NDUFAF6: variants seen among roughly 807,000 people sequenced by gnomAD.
NDUFAF6 encodes NADH:ubiquinone oxidoreductase complex assembly factor 6.
Under a neutral mutation model 40.8 loss-of-function variants are expected in NDUFAF6, and 45 were observed. The observed-to-expected ratio is 1.10, with a 90% CI of 0.87 to 1.42. NDUFAF6 has a LOEUF of 1.42. NDUFAF6 is among the 40% of genes most tolerant of loss of function. The pLI, the probability that NDUFAF6 is intolerant of heterozygous loss-of-function variation, is 0.00. For synonymous variants in NDUFAF6, 185 were observed against 155.9 expected (o/e 1.19, Z -1.39); for missense variants, 435 against 418.5 (o/e 1.04, Z -0.34).
chr8:95,031,622 T>C (rs941912868), intron 1 of NDUFAF6, among the ~76,000 whole-genome samples: 4 of 152,148 alleles, frequency 2.6e-5, no homozygotes, highest in Non-Finnish European at 5.9e-5. Flanking sequence ...TTTTTTGAGA[T>C]AGAGTCTTGC....
chr8:94,974,780 C>T (rs10099941), intron 1 of NDUFAF6: 78,769 of 174,734 alleles, frequency 0.45, 18,752 homozygotes, highest in East Asian at 0.7. Context: ...GTATCAGTAG[C>T]CAAGCCTTTC....
intron 1 of NDUFAF6, among the ~76,000 whole-genome samples, chr8:94,969,419 T>C (rs1824277604): frequency 6.6e-6 from 1 of 152,126 alleles, no homozygotes; most frequent in Non-Finnish European, 1.5e-5. Context: ...AGAAGGTCAT[T>C]GATTACTTTA....
At chr8:94,994,367 A>G (rs1211174204) in intron 2 of NDUFAF6, among the ~76,000 whole-genome samples, 2 of 152,050 alleles carry the variant, frequency 1.3e-5, no homozygotes, top group African/African-American at 2.4e-5. Flanking sequence ...CCTGGCCAAC[A>G]TGGTGAAACC....
At chr8:95,096,959 T>G (rs1025881509), upstream of NDUFAF6, among the ~76,000 whole-genome samples, 6 of 152,348 alleles carry the variant, frequency 3.9e-5, no homozygotes, top group South Asian at 2.1e-4. Flanking sequence ...AGAGGAGACC[T>G]CCAGGGGCTA....
intron 1 of NDUFAF6, among the ~76,000 whole-genome samples, chr8:94,932,908 G>A (rs968839593): frequency 2.0e-5 from 3 of 152,128 alleles, no homozygotes; most frequent in African/African-American, 4.8e-5. Flanking sequence ...TGTACAAAAA[G>A]GATTCACATA....
chr8:94,983,473 C>T (rs13276936), intron 2 of NDUFAF6, among the ~76,000 whole-genome samples: 71,521 of 151,492 alleles, frequency 0.47, 17,119 homozygotes, highest in East Asian at 0.68. Context: ...AGCATGTTGG[C>T]CAGGCTGGTC....
intron 1 of NDUFAF6, chr8:94,939,723 G>A (rs1018002169): frequency 3.2e-6 from 4 of 1,235,436 alleles, no homozygotes; most frequent in Non-Finnish European, 4.6e-6. Flanking sequence ...GGACCATCTT[G>A]TGTACTATGC....
intron 1 of NDUFAF6, chr8:94,958,256 C>T (rs77402106): frequency 0.13 from 19,702 of 152,238 alleles, 1,623 homozygotes; most frequent in Middle Eastern, 0.22. Context: ...GATTGGGCAT[C>T]TTACAGAACA....
chr8:94,913,633 C>T (rs1011486072), intron 1 of NDUFAF6, among the ~76,000 whole-genome samples: 11 of 152,054 alleles, frequency 7.2e-5, no homozygotes, highest in East Asian at 1.9e-4. Context: ...CTCATCCCTA[C>T]GAAACAGTTT....
At chr8:94,957,716 G>T (rs1186904284), upstream of NDUFAF6, among the ~76,000 whole-genome samples, 3 of 152,182 alleles carry the variant, frequency 2.0e-5, no homozygotes, top group African/African-American at 7.2e-5. Context: ...ACGAGCTGAG[G>T]AACGTGGAAG....
intron 2 of NDUFAF6, among the ~76,000 whole-genome samples, chr8:95,093,494 C>A (rs1262054891): frequency 6.6e-6 from 1 of 152,212 alleles, no homozygotes; most frequent in Non-Finnish European, 1.5e-5. Context: ...GACACCATAA[C>A]TCATACCCTA....
At chr8:95,101,956 G>A (rs148331832) in intron 2 of NDUFAF6, among the ~76,000 whole-genome samples, 1 of 152,092 alleles carries the variant, frequency 6.6e-6, no homozygotes, top group African/African-American at 2.4e-5. Flanking sequence ...GCAGCCACGT[G>A]ATCATTTGAA....
At chr8:94,912,599 A>G (rs530512909) in intron 1 of NDUFAF6, among the ~76,000 whole-genome samples, 3 of 152,100 alleles carry the variant, frequency 2.0e-5, no homozygotes, top group Non-Finnish European at 4.4e-5. Context: ...GATTGAGACC[A>G]TTTTGGCTGA....
chr8:94,980,302 G>A (rs909504015), intron 1 of NDUFAF6, among the ~76,000 whole-genome samples: 3 of 151,320 alleles, frequency 2.0e-5, no homozygotes, highest in Non-Finnish European at 4.4e-5. Flanking sequence ...TTAGTCAACT[G>A]CAGAAGTTAC....
intron 1 of NDUFAF6, chr8:94,928,635 T>G (rs937202454): frequency 1.3e-5 from 2 of 152,314 alleles, no homozygotes; most frequent in African/African-American, 4.8e-5. Context: ...AATCTAACTC[T>G]TGTTCTAAAG....
chr8:95,110,759 C>A (rs1435922823), intron 4 of NDUFAF6, among the ~76,000 whole-genome samples: 1 of 152,140 alleles, frequency 6.6e-6, no homozygotes, highest in Non-Finnish European at 1.5e-5. Flanking sequence ...ATGTTGTTAT[C>A]CAATCTTCTA....
intron 5 of NDUFAF6, among the ~76,000 whole-genome samples, chr8:95,046,779 C>G (rs1029373072): frequency 6.6e-6 from 1 of 152,172 alleles, no homozygotes; most frequent in African/African-American, 2.4e-5. Context: ...GAGGAAAACT[C>G]TTATTTAAAA....
At chr8:95,088,392 C>T (rs1458741864) in intron 2 of NDUFAF6, among the ~76,000 whole-genome samples, 1 of 152,192 alleles carries the variant, frequency 6.6e-6, no homozygotes, top group Non-Finnish European at 1.5e-5. Flanking sequence ...TTACCTTCCC[C>T]ACGTTGAGCT....
Position 94,961,640 on chromosome 8 carries a change from G to T in NDUFAF6, c.-199+3461G>T, listed in dbSNP as rs533329306. Among the ~76,000 whole-genome samples the T allele has an allele frequency of 5.9e-5, 9 of 152,114 alleles. No individual in the cohort carries two copies. The South Asian group carries it at 1.9e-3, about 32-fold the overall frequency. ...GGGTTTCACCATATTGGCCAGGCTG[G>T]TCTCCAACTTCTGACCTTGTGATCC... On this transcript the variant is annotated intron_variant, in intron 1 of 9. Transcript: ENST00000396111.
Sources: gnomAD v4.1 joint callset for allele counts (sites outside exome capture counted in the v4.1 genomes callset) on GRCh38, gnomAD v4.1.1 for gene constraint, MANE v1.5 for transcripts, NCBI Gene and HGNC (gene_info 2026-07-23, HGNC 2026-07-21) for gene names.